The following SYNPO2 variants were observed in gnomAD, a reference collection of about 807,000 sequenced individuals.
SYNPO2 encodes the protein synaptopodin 2, also known as synaptopodin-2.
In SYNPO2, 56 loss-of-function variants were observed where a neutral mutation model predicts 85.0. The observed-to-expected ratio is 0.66, with a 90% CI of 0.53 to 0.82. SYNPO2 has a LOEUF of 0.82. SYNPO2 is among the 40% of genes least tolerant of loss of function. The pLI is 0.00. For missense variants in SYNPO2, 1,575 were observed against 1,534.2 expected (o/e 1.03, Z -0.44); for synonymous variants, 602 against 591.1 (o/e 1.02, Z -0.27).
chr4:118,999,792 G>A (rs1048458468), intron 1 of SYNPO2, among the ~76,000 whole-genome samples: 1 of 152,116 alleles, frequency 6.6e-6, no homozygotes, highest in Admixed American at 6.5e-5. Context: ...GGGCACATAG[G>A]GTAGATTCTG....
At chr4:119,040,744 T>A (rs1386405429) in intron 4 of SYNPO2, among the ~76,000 whole-genome samples, 2 of 152,202 alleles carry the variant, frequency 1.3e-5, no homozygotes, top group African/African-American at 2.4e-5. Context: ...TAAATAGGCC[T>A]ATTACACTGA....
chr4:119,006,400 T>C (rs1737032218), intron 1 of SYNPO2: 1 of 152,170 alleles, frequency 6.6e-6, no homozygotes, highest in South Asian at 2.1e-4. Flanking sequence ...CCCAAAACTA[T>C]TTCCTTGGCT....
intron 4 of SYNPO2, chr4:119,034,806 G>A (rs977080149): frequency 2.5e-5 from 25 of 985,414 alleles, no homozygotes; most frequent in Middle Eastern, 5.2e-4. Flanking sequence ...AGGAAGTGAT[G>A]TCAGTGTGAC....
intron 1 of SYNPO2, among the ~76,000 whole-genome samples, chr4:118,852,540 A>AT (rs1731438921): frequency 1.3e-5 from 2 of 152,264 alleles, no homozygotes; most frequent in Admixed American, 1.3e-4. Flanking sequence ...TATTGCAGCC[A>AT]TAAAAAAAGA....
In SYNPO2 at chr4:118,888,959, C is replaced by A; in HGVS notation, c.-78C>A. ...TTGCGTCCTCGGCAGGCGCCCGAAG[C>A]TGAGTGCGCATCCTCTACCGCACCC... On this transcript the variant is annotated 5_prime_UTR_variant, in exon 1 of 5. In the 5' UTR this introduces an upstream ATG that the reference lacks. Transcript: ENST00000307142. 1 of 1,434,150 alleles carries A rather than the reference C, an allele frequency of 7.0e-7. No individual in the cohort carries two copies. Among genetic ancestry groups the A allele is most frequent in the Non-Finnish European group, 9.8e-7 (1 of 1,021,456 alleles). The allele number at this position is 1,434,150 out of a possible 1,614,324, so 88.8% of individuals were successfully genotyped here.
intron 4 of SYNPO2, chr4:119,036,365 A>G (rs532510249): frequency 1.0e-6 from 1 of 985,344 alleles, no homozygotes; most frequent in African/African-American, 1.7e-5. Flanking sequence ...TCCCAGAAAC[A>G]TGACCCTCGC....
intron 1 of SYNPO2, among the ~76,000 whole-genome samples, chr4:118,880,158 G>A (rs964716833): frequency 1.3e-5 from 2 of 152,096 alleles, no homozygotes; most frequent in East Asian, 1.9e-4. Context: ...CTACTTGCTC[G>A]GAATAAGAAG....
At chr4:118,919,031 C>G (rs1049968902) in intron 1 of SYNPO2, among the ~76,000 whole-genome samples, 1 of 152,110 alleles carries the variant, frequency 6.6e-6, no homozygotes, top group Non-Finnish European at 1.5e-5. Context: ...GCAGCACCAG[C>G]AGAAATGTTT....
chr4:118,939,976 T>C (rs892891837), intron 1 of SYNPO2, among the ~76,000 whole-genome samples: 4 of 127,636 alleles, frequency 3.1e-5, no homozygotes, highest in Non-Finnish European at 6.4e-5. Context: ...CTTTCTCTCT[T>C]CTTTTTTTTT....
chr4:119,014,150 C>T (rs531911830), intron 1 of SYNPO2, among the ~76,000 whole-genome samples: 15 of 152,288 alleles, frequency 9.8e-5, no homozygotes, highest in East Asian at 7.7e-4. Flanking sequence ...AGACCAGACA[C>T]GGTGGCTCAC....
intron 1 of SYNPO2, among the ~76,000 whole-genome samples, chr4:118,960,959 C>T (rs1560913189): frequency 6.6e-6 from 1 of 152,248 alleles, no homozygotes; most frequent in Non-Finnish European, 1.5e-5. Context: ...TACCTTTCTC[C>T]GCAGAAGCTA....
intron 1 of SYNPO2, among the ~76,000 whole-genome samples, chr4:118,999,603 G>A (rs1366269885): frequency 7.7e-6 from 1 of 129,748 alleles, no homozygotes; most frequent in Non-Finnish European, 1.9e-5. Flanking sequence ...ATGTATGCAT[G>A]TATTTATTTA....
At chr4:118,854,165 C>T (rs947646779) in intron 1 of SYNPO2, among the ~76,000 whole-genome samples, 7 of 152,070 alleles carry the variant, frequency 4.6e-5, no homozygotes, top group Non-Finnish European at 2.9e-5. Context: ...GCTAATTACA[C>T]AAAAAACAAA....
rs1184924877 is a variant in SYNPO2, at chr4:119,060,341, A to C, written c.*2407A>C. On this transcript the variant is annotated 3_prime_UTR_variant, in exon 5 of 5. Transcript: ENST00000307142. ...AAAGCTGCACATTTCTCACAAGGAA[A>C]AAAACATTCTATATTTGTAGCAGAA... 6.6e-6 allele frequency: 1 copy of C among 151,904 alleles called. No homozygotes were observed. The highest frequency in any genetic ancestry group is 1.5e-5 in the Non-Finnish European group (1 of 68,026). The allele number at this position is 151,904 out of a possible 1,614,324, so 9.4% of individuals were successfully genotyped here.
chr4:119,042,271 G>A (rs1232113215), intron 4 of SYNPO2: 1 of 66,952 alleles, frequency 1.5e-5, no homozygotes, highest in Admixed American at 1.9e-4. Flanking sequence ...GCCTTGAGAC[G>A]TGATTTTTAT....
intron 1 of SYNPO2, among the ~76,000 whole-genome samples, chr4:119,014,686 TAAG>T (rs998947297): frequency 3.9e-5 from 6 of 152,234 alleles, no homozygotes; most frequent in Admixed American, 1.3e-4. Context: ...CCAAAATGTT[TAAG>T]AATTGCTTCT....
intron 4 of SYNPO2, chr4:119,036,895 T>C (rs1351646950): frequency 1.7e-6 from 2 of 1,179,608 alleles, no homozygotes; most frequent in East Asian, 7.5e-5. Flanking sequence ...TCTGATTTTA[T>C]CAAAGGTTTG....
chr4:119,037,348 T>C (rs768154807), intron 4 of SYNPO2: 32 of 1,253,916 alleles, frequency 2.6e-5, no homozygotes, highest in Non-Finnish European at 3.2e-5. Flanking sequence ...TTGAAAAAAT[T>C]TCAAAAATCA....
Position 119,031,268 on chromosome 4 carries a change from A to G in SYNPO2, c.2493A>G (p.Pro831=). 1.2e-6 allele frequency: 2 copies of G among 1,614,192 alleles called. No individual in the cohort carries two copies. The highest frequency in any genetic ancestry group is 1.7e-6 in the Non-Finnish European group (2 of 1,180,030). Residue 831 remains proline, a synonymous_variant, in exon 4 of 5, where the codon CCA becomes CCG. Coordinates refer to ENST00000307142, the MANE Select transcript of SYNPO2 (RefSeq NM_133477.3). ...ACGTGGCTGGTCCCTTCAAAGGACC[A>G]CAAGCAGCAGTAGCCAGTCAGAATT... ...TLNVAGPFKG[P]QAAVASQNYT...
Sources: allele counts gnomAD v4.1 joint callset (sites outside exome capture counted in the v4.1 genomes callset), GRCh38; gene constraint gnomAD v4.1.1; transcripts MANE v1.5; gene names NCBI Gene and HGNC (gene_info 2026-07-23, HGNC 2026-07-21).